AADACL2: variants seen among roughly 807,000 people sequenced by gnomAD.
AADACL2 encodes the protein arylacetamide deacetylase-like 2.
Under a neutral mutation model 22.3 loss-of-function variants are expected in AADACL2, and 23 were observed. The ratio of observed to expected loss-of-function variants is 1.03; its 90% CI spans 0.74 to 1.46. AADACL2 has a LOEUF of 1.46. Among genes scored for constraint, AADACL2 ranks in the 40% most tolerant of loss-of-function variants. The pLI is 0.00. For synonymous variants in AADACL2, 177 were observed against 166.2 expected (o/e 1.07, Z -0.50); for missense variants, 472 against 482.9 (o/e 0.98, Z 0.21).
At chr3:151,756,926 T>C in intron 4 of AADACL2, 66 bp from the exon 5 acceptor site, 1 of 1,471,414 alleles carries the variant, frequency 6.8e-7, no homozygotes, top group Non-Finnish European at 9.0e-7. Flanking sequence ...TGCTAGATAA[T>C]TAAATTTTTT....
intron 4 of AADACL2, among the ~76,000 whole-genome samples, chr3:151,749,835 G>T (rs1231297294): frequency 6.6e-6 from 1 of 151,868 alleles, no homozygotes; most frequent in Non-Finnish European, 1.5e-5. Flanking sequence ...GTTTTTGTTT[G>T]TTTTTTTGTT....
chr3:151,756,933 T>A (rs199844010), intron 4 of AADACL2, 59 bp from the exon 5 acceptor site: 9 of 1,492,842 alleles, frequency 6.0e-6, no homozygotes, highest in East Asian at 2.3e-5. Flanking sequence ...TAATTAAATT[T>A]TTTTTCTCCT....
At chr3:151,734,310 AAAC>A (rs1713022140) in intron 1 of AADACL2, 137 bp downstream of exon 1, 2 of 1,009,576 alleles carry the variant, frequency 2.0e-6, no homozygotes, top group Non-Finnish European at 2.8e-6. Context: ...TAAATTAATT[AAAC>A]AACATTAAGT....
At chr3:151,745,708 AG>A (rs1713422488) in intron 4 of AADACL2, 28 bp downstream of exon 4, 1 of 1,542,212 alleles carries the variant, frequency 6.5e-7, no homozygotes, top group Non-Finnish European at 8.7e-7. Flanking sequence ...TTATGATAGG[AG>A]GCAGAAATTG....
chr3:151,747,470 C>A (rs1713491798), intron 4 of AADACL2, among the ~76,000 whole-genome samples: 2 of 152,180 alleles, frequency 1.3e-5, no homozygotes, highest in South Asian at 4.2e-4. Context: ...AGGGGTTTAA[C>A]TTTCTTAGGT....
At chr3:151,745,860 CA>C (rs1376507065) in intron 4 of AADACL2, among the ~76,000 whole-genome samples, 180 bp downstream of exon 4, 6 of 151,862 alleles carry the variant, frequency 4.0e-5, no homozygotes, top group Non-Finnish European at 8.8e-5. Context: ...TATTTTGTTC[CA>C]TTGATCTACA....
chr3:151,737,325 CT>C (rs774582057), intron 1 of AADACL2, among the ~76,000 whole-genome samples: 87 of 146,274 alleles, frequency 5.9e-4, no homozygotes, highest in Middle Eastern at 3.5e-3. Context: ...GTCCGAGAGA[CT>C]TTTTTTTTTT....
Position 151,757,578 on chromosome 3 carries a change from T to C in AADACL2, c.1190T>C (p.Leu397Pro). 6.2e-7 allele frequency: 1 copy of C among 1,606,688 alleles called. No individual in the cohort carries two copies. The highest frequency in any genetic ancestry group is 1.7e-5 in the Admixed American group (1 of 59,366). Residue 397 changes from leucine to proline, a missense_variant, in exon 5 of 5, where the codon CTG becomes CCG. Around this residue, in one of 3 missense-constraint regions of AADACL2, gnomAD observed 113 missense variants for 100.9 expected, o/e 1.12. Transcript: ENST00000356517. ...ATAAGAGATATGTATGTAAGTTGGCTGGATAAGAATTTATAAATATGTGAT... is the reference window on the plus strand; with the variant it reads ...ATAAGAGATATGTATGTAAGTTGGCCGGATAAGAATTTATAAATATGTGAT... ...LRIRDMYVSW[L>P]DKNL is the part of the protein sequence containing the mutation.
chr3:151,746,589 T>C (rs1713455341), intron 4 of AADACL2, among the ~76,000 whole-genome samples: 1 of 152,018 alleles, frequency 6.6e-6, no homozygotes, highest in Non-Finnish European at 1.5e-5. Context: ...TTTTCATAGT[T>C]AGCTTTTGTC....
At chr3:151,751,322 A>G (rs562490054) in intron 4 of AADACL2, 1 of 152,316 alleles carries the variant, frequency 6.6e-6, no homozygotes, top group African/African-American at 2.4e-5. Flanking sequence ...CAATTACCCA[A>G]TAGTGATTAA....
At chr3:151,742,518 A>G (rs9754599) in intron 2 of AADACL2, among the ~76,000 whole-genome samples, 48,828 of 152,010 alleles carry the variant, frequency 0.32, 8,160 homozygotes, top group East Asian at 0.55. Flanking sequence ...TACATCACTG[A>G]GTGGCTTTAA....
At chr3:151,745,097 A>C (rs1713395480) in intron 3 of AADACL2, among the ~76,000 whole-genome samples, 1 of 152,186 alleles carries the variant, frequency 6.6e-6, no homozygotes, top group African/African-American at 2.4e-5. Flanking sequence ...CCTTGATAAA[A>C]TAGGACACTG....
At chr3:151,756,961 T>A (rs749396540) in intron 4 of AADACL2, 31 bp from the exon 5 acceptor site, 45 of 1,530,460 alleles carry the variant, frequency 2.9e-5, no homozygotes, top group Admixed American at 6.3e-5. Context: ...TGGAAATGTT[T>A]GCATTACAGA....
In AADACL2 at chr3:151,758,678, C is replaced by T. The variant is rs1273708318; in HGVS notation, c.*1084C>T. On this transcript the variant is annotated 3_prime_UTR_variant, in exon 5 of 5. Coordinates refer to ENST00000356517, the MANE Select transcript of AADACL2 (RefSeq NM_207365.4). ...CCTAAAGAATAAATCACTTCTGTAGCCCTTTTGTTGAGTGGAATCATAAAC... is the reference window on the plus strand; with the variant it reads ...CCTAAAGAATAAATCACTTCTGTAGTCCTTTTGTTGAGTGGAATCATAAAC... 6.6e-6 allele frequency: 1 copy of T among 151,976 alleles called. No individual in the cohort carries two copies. Among genetic ancestry groups the T allele is most frequent in the African/African-American group, 2.4e-5 (1 of 41,372 alleles). The allele number at this position is 151,976 out of a possible 1,614,324, so 9.4% of individuals were successfully genotyped here. A position where few individuals can be genotyped will look rare whatever the true frequency, so the allele number is the denominator to read the frequency against.
At chr3:151,741,390 C>G (rs192359608) in intron 2 of AADACL2, among the ~76,000 whole-genome samples, 2 of 152,154 alleles carry the variant, frequency 1.3e-5, no homozygotes, top group East Asian at 3.9e-4. Context: ...CATAAAATCT[C>G]GGTTCCCTAC....
At chr3:151,737,815 T>C (rs142812616) in intron 1 of AADACL2, among the ~76,000 whole-genome samples, 15 of 152,316 alleles carry the variant, frequency 9.8e-5, no homozygotes, top group Middle Eastern at 3.4e-3. Flanking sequence ...TGGTGAATCT[T>C]CCTCAATCCC....
At chr3:151,755,953 T>A (rs1021236295) in intron 4 of AADACL2, among the ~76,000 whole-genome samples, 1 of 152,132 alleles carries the variant, frequency 6.6e-6, no homozygotes, top group Non-Finnish European at 1.5e-5. Context: ...TCATTTTCAT[T>A]CTACACTTAT....
intron 4 of AADACL2, 30 bp downstream of exon 4, chr3:151,745,710 G>C (rs375669092): frequency 1.3e-6 from 2 of 1,535,040 alleles, no homozygotes; most frequent in Non-Finnish European, 1.7e-6. Context: ...ATGATAGGAG[G>C]CAGAAATTGA....
In AADACL2 at chr3:151,759,076, CA is replaced by C. The variant is rs1175168129; in HGVS notation, c.*1485del. 2 of 151,852 alleles carry C rather than the reference CA, an allele frequency of 1.3e-5. No individual in the cohort carries two copies. Among genetic ancestry groups the C allele is most frequent in the Non-Finnish European group, 2.9e-5 (2 of 67,928 alleles). The allele number at this position is 151,852 out of a possible 1,614,324, so 9.4% of individuals were successfully genotyped here. A position where few individuals can be genotyped will look rare whatever the true frequency, so the allele number is the denominator to read the frequency against. The stretch of plus-strand genomic sequence containing the variant: ...GCTAAAAACGCAAACATGACTATGA[CA>C]AATGAAAATAAGTATCATGGGAATC... On this transcript the variant is annotated 3_prime_UTR_variant, in exon 5 of 5. Coordinates refer to ENST00000356517, the MANE Select transcript of AADACL2 (RefSeq NM_207365.4).
Sources: gnomAD v4.1 joint callset for allele counts (sites outside exome capture counted in the v4.1 genomes callset) on GRCh38, gnomAD v4.1.1 for gene constraint, gnomAD v4.1.1 regional missense constraint, MANE v1.5 for transcripts, NCBI Gene and HGNC (gene_info 2026-07-23, HGNC 2026-07-21) for gene names.